The following GPR63 variants were observed in gnomAD, a reference collection of about 807,000 sequenced individuals.
The protein encoded by GPR63 is probable G protein-coupled receptor 63.
Under a neutral mutation model 23.1 loss-of-function variants are expected in GPR63, and 12 were observed. That is an observed-to-expected ratio of 0.52 (90% CI 0.33 to 0.84). The LOEUF (loss-of-function observed/expected upper bound fraction) is 0.84. Among genes scored for constraint, GPR63 ranks in the 40% least tolerant of loss-of-function variants. GPR63 has a pLI of 0.02. For synonymous variants in GPR63, 172 were observed against 191.1 expected (o/e 0.90, Z 0.82); for missense variants, 472 against 515.6 (o/e 0.92, Z 0.82).
Position 96,799,485 on chromosome 6 carries a change from T to C in GPR63, c.247A>G (p.Thr83Ala), listed in dbSNP as rs1486021445. Residue 83 changes from threonine (T) to alanine (A), a missense_variant, in exon 2 of 2, where the codon ACC becomes GCC. Physicochemically the swap from Thr to Ala is moderately conservative, Grantham distance 58 (BLOSUM62 0). Coordinates refer to ENST00000229955, the MANE Select transcript of GPR63 (RefSeq NM_030784.4). Reference sequence around the variant, plus strand: ...ATGAATATCATTATAGCAGAAAGGGTGATCTGAAGAGGCAAGTTTAGGCTC... The same window carrying C: ...ATGAATATCATTATAGCAGAAAGGGCGATCTGAAGAGGCAAGTTTAGGCTC... ...FKSLNLPLQI[T>A]LSAIMIFILF... 3 of 1,613,850 alleles carry C rather than the reference T, an allele frequency of 1.9e-6. No individual in the cohort carries two copies. The highest frequency in any genetic ancestry group is 2.5e-6 in the Non-Finnish European group (3 of 1,179,974).
In GPR63 at chr6:96,798,693, G is replaced by A; in HGVS notation, c.1039C>T (p.His347Tyr). 1 of 1,614,212 alleles carries A rather than the reference G, an allele frequency of 6.2e-7. No individual in the cohort carries two copies. Among genetic ancestry groups the A allele is most frequent in the South Asian group, 1.1e-5 (1 of 91,082 alleles). The stretch of plus-strand genomic sequence containing the variant: ...CAGGTGCTAATCTCAAAAAAGTTGT[G>A]CTGATAGTAAAAGTGCTTACTGAAT... ...ATFSKHFYYQHNFFEISTWLL... is the reference protein window; with the variant it reads ...ATFSKHFYYQYNFFEISTWLL... Residue 347 changes from histidine (H) to tyrosine (Y), a missense_variant, in exon 2 of 2, where the codon CAC (histidine) becomes TAC (tyrosine). His to Tyr is a moderately conservative substitution (Grantham distance 83). Coordinates refer to ENST00000229955, the MANE Select transcript of GPR63 (RefSeq NM_030784.4).
Position 96,797,530 on chromosome 6 carries a change from C to T in GPR63, c.*942G>A, listed in dbSNP as rs1773621275. ...GTCCCTCTGAGACCTGCTTTCTTCA[C>T]CTGTAAAAATGAAAACAATAATACC... On this transcript the variant is annotated 3_prime_UTR_variant, in exon 2 of 2. Transcript: ENST00000229955. 6.6e-6 allele frequency: 1 copy of T among 152,140 alleles called. No homozygotes were observed. Among genetic ancestry groups the T allele is most frequent in the African/African-American group, 2.4e-5 (1 of 41,408 alleles). 9.4% of individuals were successfully genotyped at this position (152,140 alleles called of 1,614,324 possible). A position where few individuals can be genotyped will look rare whatever the true frequency, so the allele number is the denominator to read the frequency against.
chr6:96,798,610 C>A lies in GPR63; in HGVS notation c.1122G>T (p.Arg374Ser). 6.2e-7 allele frequency: 1 copy of A among 1,614,192 alleles called. No individual in the cohort carries two copies. Among genetic ancestry groups the A allele is most frequent in the South Asian group, 1.1e-5 (1 of 91,084 alleles). Residue 374 changes from arginine (R) to serine (S), a missense_variant, in exon 2 of 2, where the codon AGG (arginine) becomes AGT (serine). Physicochemically the swap from Arg to Ser is moderately radical, Grantham distance 110. Coordinates refer to ENST00000229955, the MANE Select transcript of GPR63 (RefSeq NM_030784.4). Reference sequence around the variant, plus strand: ...GGCAAGCATCATGGAATTTCTTAATCCTCCAGTAGTAGATCAGCGGATTCA... The same window carrying A: ...GGCAAGCATCATGGAATTTCTTAATACTCCAGTAGTAGATCAGCGGATTCA... ...SALNPLIYYW[R>S]IKKFHDACLD...
intron 1 of GPR63, among the ~76,000 whole-genome samples, chr6:96,836,873 C>T (rs897573225): frequency 1.3e-5 from 2 of 152,106 alleles, no homozygotes; most frequent in Non-Finnish European, 2.9e-5. Context: ...GAGCTCATCT[C>T]CTTCCTCTCA....
chr6:96,813,157 T>C (rs535013764), intron 1 of GPR63, among the ~76,000 whole-genome samples: 15 of 152,170 alleles, frequency 9.9e-5, no homozygotes, highest in Non-Finnish European at 2.2e-4. Flanking sequence ...TCCATCCATA[T>C]TGCTGCAAAT....
chr6:96,824,222 G>A (rs1774380409), intron 1 of GPR63, among the ~76,000 whole-genome samples: 1 of 151,932 alleles, frequency 6.6e-6, no homozygotes, highest in Non-Finnish European at 1.5e-5. Context: ...AAAAACAGAT[G>A]TCTTTCACTA....
intron 1 of GPR63, among the ~76,000 whole-genome samples, chr6:96,807,143 C>T (rs1305901879): frequency 6.6e-6 from 1 of 152,236 alleles, no homozygotes; most frequent in Non-Finnish European, 1.5e-5. Context: ...CAAATAGCAA[C>T]TTTCAAAAGA....
intron 1 of GPR63, among the ~76,000 whole-genome samples, chr6:96,824,058 G>T (rs970273075): frequency 4.0e-5 from 6 of 148,988 alleles, no homozygotes; most frequent in Non-Finnish European, 8.9e-5. Flanking sequence ...TGATAGTATG[G>T]TATTATCCAC....
chr6:96,832,652 G>T (rs183106243), intron 1 of GPR63, among the ~76,000 whole-genome samples: 14 of 152,228 alleles, frequency 9.2e-5, no homozygotes, highest in African/African-American at 3.4e-4. Flanking sequence ...GAGGGTAGGA[G>T]TAGGGACAGG....
intron 1 of GPR63, among the ~76,000 whole-genome samples, chr6:96,821,824 A>C (rs962395920): frequency 6.6e-6 from 1 of 152,174 alleles, no homozygotes; most frequent in African/African-American, 2.4e-5. Context: ...CACATCAGAT[A>C]ACATGACTAT....
rs1320781242 is a variant in GPR63 at position 96,799,082 on chromosome 6, T to G, written c.650A>C (p.Asn217Thr). 4 of 1,613,988 alleles carry G rather than the reference T, an allele frequency of 2.5e-6. No homozygotes were observed. Among genetic ancestry groups the G allele is most frequent in the Non-Finnish European group, 3.4e-6 (4 of 1,179,992 alleles). Residue 217 changes from asparagine (N) to threonine (T), a missense_variant, in exon 2 of 2, where the codon AAC becomes ACC. Coordinates refer to ENST00000229955, the MANE Select transcript of GPR63 (RefSeq NM_030784.4). Reference protein sequence around the residue: ...FCVAFPLAVGNPDLQIPSRAP... With the variant: ...FCVAFPLAVGTPDLQIPSRAP... Reference sequence around the variant, plus strand: ...TCGGGAAGGTATCTGCAGGTCGGGGTTTCCTACGGCTAAAGGAAAAGCTAC... The same window carrying G: ...TCGGGAAGGTATCTGCAGGTCGGGGGTTCCTACGGCTAAAGGAAAAGCTAC...
chr6:96,814,741 C>T (rs974244890), intron 1 of GPR63, among the ~76,000 whole-genome samples: 1 of 152,152 alleles, frequency 6.6e-6, no homozygotes, highest in Admixed American at 6.5e-5. Context: ...GACTAGCCTT[C>T]CCTAAAGGCT....
At chr6:96,836,927 G>A (rs1774745650) in intron 1 of GPR63, among the ~76,000 whole-genome samples, 1 of 151,980 alleles carries the variant, frequency 6.6e-6, no homozygotes. Context: ...AGCAGGAAAG[G>A]AGCCGGCATG....
chr6:96,822,333 A>G (rs191816700), intron 1 of GPR63, among the ~76,000 whole-genome samples: 17 of 152,264 alleles, frequency 1.1e-4, no homozygotes, highest in Admixed American at 5.2e-4. Flanking sequence ...ATTCACTGCT[A>G]TGATCAAAAT....
At chr6:96,821,814 C>T (rs542477640) in intron 1 of GPR63, among the ~76,000 whole-genome samples, 69 of 152,076 alleles carry the variant, frequency 4.5e-4, no homozygotes, top group Non-Finnish European at 9.4e-4. Context: ...TCTTTCTTCC[C>T]ACATCAGATA....
intron 1 of GPR63, among the ~76,000 whole-genome samples, chr6:96,827,972 G>T (rs1168803643): frequency 6.6e-6 from 1 of 152,000 alleles, no homozygotes; most frequent in African/African-American, 2.4e-5. Context: ...AAATATAACA[G>T]ATACTGTATA....
chr6:96,811,837 AAAATAAATAAATAAATAAATAAATAAAT>A (rs199649144), intron 1 of GPR63, among the ~76,000 whole-genome samples: 47 of 142,086 alleles, frequency 3.3e-4, no homozygotes, highest in Non-Finnish European at 5.0e-4. Flanking sequence ...TATTTCATTA[AAAATAAATAAATAAATAAATAAATAAAT>A]AAATAAATAA....
At position 96,799,310 on chromosome 6, in the gene GPR63, G is replaced by C; in HGVS notation, c.422C>G (p.Thr141Ser). The part of the protein sequence containing the change: ...AVLNMPFALV[T>S]ILTTRWIFGK... ...AAAAATCCATCGGGTAGTAAGAATAGTTACCAGGGCAAAGGGCATGTTCAG... is the reference window on the plus strand; with the variant it reads ...AAAAATCCATCGGGTAGTAAGAATACTTACCAGGGCAAAGGGCATGTTCAG... Residue 141 changes from threonine (T) to serine (S), a missense_variant, in exon 2 of 2, where the codon ACT (threonine) becomes AGT (serine). By Grantham distance (58) the Thr-to-Ser change is moderately conservative. Coordinates refer to ENST00000229955, the MANE Select transcript of GPR63 (RefSeq NM_030784.4). 1 of 1,614,136 alleles carries C rather than the reference G, an allele frequency of 6.2e-7. No individual in the cohort carries two copies. The highest frequency in any genetic ancestry group is 8.5e-7 in the Non-Finnish European group (1 of 1,180,026).
Position 96,795,983 on chromosome 6 carries a change from T to C in GPR63, c.*2489A>G, listed in dbSNP as rs148368129. The C allele has an allele frequency of 2.8e-4, 43 of 152,306 alleles. No homozygotes were observed. The highest frequency in any genetic ancestry group is 8.7e-4 in the African/African-American group (36 of 41,562). 9.4% of individuals were successfully genotyped at this position (152,306 alleles called of 1,614,324 possible). On this transcript the variant is annotated 3_prime_UTR_variant, in exon 2 of 2. Transcript: ENST00000229955. ...AAATGAAAGAGGTAGGTGACTATCA[T>C]TTGAAGATAATCCCAAAACAACATG...
Sources: allele counts gnomAD v4.1 joint callset (sites outside exome capture counted in the v4.1 genomes callset), GRCh38; gene constraint gnomAD v4.1.1; transcripts MANE v1.5; gene names NCBI Gene and HGNC (gene_info 2026-07-23, HGNC 2026-07-21).